STIM2: variants seen among roughly 807,000 people sequenced by gnomAD.
STIM2 encodes the protein stromal interaction molecule 2.
A neutral mutation model predicts 85.8 loss-of-function variants in STIM2; 31 were observed. The observed-to-expected ratio is 0.36, with a 90% CI of 0.27 to 0.49. The LOEUF (loss-of-function observed/expected upper bound fraction) is 0.49, where lower values mean the gene tolerates loss of function less well. Ranked by LOEUF, STIM2 falls within the 20% of genes least tolerant of loss-of-function variation. STIM2 has a pLI of 0.98. For missense variants in STIM2, 841 were observed against 927.6 expected, an observed-to-expected ratio of 0.91 and a Z score of 1.21; for synonymous variants, 356 against 331.1, an observed-to-expected ratio of 1.08 and a Z score of -0.82.
intron 2 of STIM2, among the ~76,000 whole-genome samples, chr4:26,933,637 A>G (rs989399811): frequency 6.7e-6 from 1 of 150,336 alleles, no homozygotes; most frequent in Admixed American, 6.7e-5. Flanking sequence ...GGTAGCACAC[A>G]CTTGTAATCT....
At chr4:26,881,465 CAAAAAA>C (rs33990831) in intron 1 of STIM2, 1 of 121,238 alleles carries the variant, frequency 8.2e-6, no homozygotes, top group Non-Finnish European at 1.7e-5. Context: ...GACTCCATCT[CAAAAAA>C]AAAAAAAAAG....
intron 1 of STIM2, among the ~76,000 whole-genome samples, chr4:26,868,260 A>T (rs1211218523): frequency 1.3e-5 from 2 of 152,202 alleles, no homozygotes; most frequent in Non-Finnish European, 2.9e-5. Context: ...GAGCCCAAGT[A>T]CCTGTATCTG....
chr4:26,862,717 T>C (rs1218974468), intron 1 of STIM2, among the ~76,000 whole-genome samples: 2 of 152,188 alleles, frequency 1.3e-5, no homozygotes, highest in Non-Finnish European at 2.9e-5. Context: ...GATAAAGTGA[T>C]TATAGAATAA....
chr4:26,923,432 C>T (rs561358235), intron 2 of STIM2, among the ~76,000 whole-genome samples: 4 of 151,646 alleles, frequency 2.6e-5, no homozygotes, highest in Non-Finnish European at 5.9e-5. Context: ...AACTAAGCTT[C>T]GTAAGTGAAG....
intron 10 of STIM2, among the ~76,000 whole-genome samples, chr4:27,010,867 A>C (rs1432130249): frequency 1.3e-5 from 2 of 151,162 alleles, no homozygotes; most frequent in Non-Finnish European, 3.0e-5. Flanking sequence ...AGATAGGGGA[A>C]TGGGTGTTGT....
chr4:26,888,813 G>A (rs1723356205), intron 1 of STIM2, among the ~76,000 whole-genome samples: 1 of 152,200 alleles, frequency 6.6e-6, no homozygotes, highest in African/African-American at 2.4e-5. Context: ...GAGCGTGAAA[G>A]TAATTACAAG....
chr4:26,928,824 A>G lies in STIM2; in HGVS notation c.282+9190A>G, dbSNP rs115370271. Among the ~76,000 whole-genome samples, 604 of 152,342 alleles carry G rather than the reference A, an allele frequency of 4.0e-3. 6 individuals carry two copies. The highest frequency in any genetic ancestry group is 0.014 in the African/African-American group (573 of 41,574). On this transcript the variant is annotated intron_variant, in intron 2 of 11. Transcript: ENST00000467087. Reference sequence around the variant, plus strand: ...ATGTTGTAATAAAAGTTAGAACTAAATAAAACTTAGGCTTAAAAAGTAGAG... The same window carrying G: ...ATGTTGTAATAAAAGTTAGAACTAAGTAAAACTTAGGCTTAAAAAGTAGAG...
chr4:26,881,613 A>C (rs1471725867), intron 1 of STIM2: 2 of 152,174 alleles, frequency 1.3e-5, no homozygotes. Context: ...TAGACCTGTA[A>C]GCAAAAAAAT....
chr4:26,949,700 G>A (rs563023961), intron 2 of STIM2, among the ~76,000 whole-genome samples: 4 of 152,054 alleles, frequency 2.6e-5, no homozygotes, highest in Non-Finnish European at 5.9e-5. Flanking sequence ...TTGAATTTGC[G>A]TATGTGTGTG....
At chr4:26,992,396 G>A (rs949948131) in intron 3 of STIM2, among the ~76,000 whole-genome samples, 3 of 152,088 alleles carry the variant, frequency 2.0e-5, no homozygotes, top group Non-Finnish European at 2.9e-5. Flanking sequence ...TTATTTAAAT[G>A]CTATGCATAA....
At chr4:26,962,594 G>A (rs952882124) in intron 3 of STIM2, among the ~76,000 whole-genome samples, 2 of 128,614 alleles carry the variant, frequency 1.6e-5, no homozygotes, top group African/African-American at 5.8e-5. Flanking sequence ...GTGTGTGTGT[G>A]TGTGTGTATG....
chr4:26,981,634 G>C lies in STIM2; in HGVS notation c.398-13745G>C, dbSNP rs181528221. On this transcript the variant is annotated intron_variant, in intron 3 of 11. Transcript: ENST00000467087. ...GGATGCAGGGTGATGCATTGTACCCGGTTGTCCTATCTCTCTAGTTGTCTT... is the reference window on the plus strand; with the variant it reads ...GGATGCAGGGTGATGCATTGTACCCCGTTGTCCTATCTCTCTAGTTGTCTT... Among the ~76,000 whole-genome samples the C allele has an allele frequency of 4.1e-4, 63 of 152,230 alleles. 1 individual carries two copies. The South Asian group carries it at 0.012, about 29-fold the overall frequency.
intron 1 of STIM2, among the ~76,000 whole-genome samples, chr4:26,877,021 T>C (rs1722837581): frequency 1.3e-5 from 2 of 152,190 alleles, no homozygotes; most frequent in South Asian, 4.1e-4. Context: ...CTTTCTGACC[T>C]CTTTGGATCT....
In STIM2 at chr4:27,002,264, G is replaced by C. The variant is rs768256503; in HGVS notation, c.673G>C (p.Val225Leu). 1.2e-6 allele frequency: 2 copies of C among 1,613,068 alleles called. No homozygotes were observed. Among genetic ancestry groups the C allele is most frequent in the South Asian group, 2.2e-5 (2 of 90,806 alleles). Residue 225 changes from valine to leucine, a missense_variant, in exon 6 of 12, where the codon GTA (valine) becomes CTA (leucine). Transcript: ENST00000467087. ...AGATTTTATCCTCACAGTTTCTATA[G>C]TAATTGGTGTTGGAGGCTGCTGGTT... is the stretch of plus-strand genomic sequence containing the variant.
intron 1 of STIM2, among the ~76,000 whole-genome samples, chr4:26,903,545 G>A (rs756024376): frequency 2.0e-5 from 3 of 152,136 alleles, no homozygotes; most frequent in Non-Finnish European, 4.4e-5. Context: ...ACTGGTAAAT[G>A]TTAATTGAGA....
chr4:26,970,199 G>GTGTA (rs781225892), intron 3 of STIM2, among the ~76,000 whole-genome samples: 4 of 91,140 alleles, frequency 4.4e-5, no homozygotes, highest in African/African-American at 1.1e-4. Flanking sequence ...TAGTGTGTGT[G>GTGTA]TATATATATA....
intron 11 of STIM2, chr4:27,019,655 C>A: frequency 2.6e-6 from 1 of 390,686 alleles, no homozygotes; most frequent in South Asian, 2.2e-5. Flanking sequence ...AGAATCCTTA[C>A]AAAATAATAA....
intron 1 of STIM2, among the ~76,000 whole-genome samples, chr4:26,878,161 C>CTT (rs1239895340): frequency 6.6e-6 from 1 of 152,142 alleles, no homozygotes; most frequent in African/African-American, 2.4e-5. Context: ...ATAGTGGATT[C>CTT]TTTTTTATAT....
At chr4:26,928,705 C>T (rs1725085075) in intron 2 of STIM2, among the ~76,000 whole-genome samples, 1 of 152,062 alleles carries the variant, frequency 6.6e-6, no homozygotes, top group African/African-American at 2.4e-5. Flanking sequence ...GTGTTATCAC[C>T]ACTCTGCAAA....
Sources: allele counts gnomAD v4.1 joint callset (sites outside exome capture counted in the v4.1 genomes callset), GRCh38; gene constraint gnomAD v4.1.1; transcripts MANE v1.5; gene names NCBI Gene and HGNC (gene_info 2026-07-23, HGNC 2026-07-21).